Variants in DENND4C observed in about 807,000 individuals in gnomAD.
DENND4C encodes DENN domain containing 4C.
DENND4C carries 108 observed loss-of-function variants against 203.0 expected under a neutral mutation model. That is an observed-to-expected ratio of 0.53 (90% confidence interval 0.46 to 0.62). The LOEUF (loss-of-function observed/expected upper bound fraction) is 0.62, where lower values mean the gene tolerates loss of function less well. DENND4C is among the 20% of genes least tolerant of loss of function. The pLI is 0.00. For synonymous variants in DENND4C, 871 were observed against 792.4 expected (o/e 1.10, Z -1.67); for missense variants, 2,481 against 2,301.2 (o/e 1.08, Z -1.60).
intron 20 of DENND4C, 72 bp from the exon 21 acceptor site, chr9:19,340,920 T>A: frequency 7.7e-7 from 1 of 1,292,632 alleles, no homozygotes; most frequent in Non-Finnish European, 1.0e-6. Flanking sequence ...AGTGGAATTT[T>A]CTTGTGATTT....
At chr9:19,299,055 G>A (rs768964696) in intron 7 of DENND4C, among the ~76,000 whole-genome samples, 174 bp from the exon 8 acceptor site, 1 of 152,016 alleles carries the variant, frequency 6.6e-6, no homozygotes, top group Non-Finnish European at 1.5e-5. Context: ...AGTAAATACA[G>A]CTATCATTTT....
Position 19,287,041 on chromosome 9 carries a change from C to A in DENND4C, c.558+20C>A. 2.4e-6 allele frequency: 3 copies of A among 1,231,920 alleles called. No homozygotes were observed. Among genetic ancestry groups the A allele is most frequent in the Non-Finnish European group, 3.0e-6 (3 of 987,902 alleles). 76.3% of individuals were successfully genotyped at this position (1,231,920 alleles called of 1,614,324 possible). On this transcript the variant is annotated intron_variant, in intron 3 of 32. Transcript: ENST00000434457. ...GGAATGGTAAGAATAAAGTTTTCAT[C>A]TTCAAAGTTTCATATGAAACCAAAA...
At chr9:19,295,180 G>A (rs1373503258) in intron 5 of DENND4C, among the ~76,000 whole-genome samples, 1 of 151,932 alleles carries the variant, frequency 6.6e-6, no homozygotes, top group Non-Finnish European at 1.5e-5. Context: ...GACCATCCTG[G>A]CTAACACAGT....
chr9:19,346,880 C>A lies in DENND4C; in HGVS notation c.4111C>A (p.Arg1371Ser), dbSNP rs981244698. The A allele has an allele frequency of 2.5e-6, 4 of 1,614,090 alleles. No homozygotes were observed. In the African/African-American group the frequency reaches 5.3e-5, roughly 22 times the overall value. ...AACCCCCTCTCGAACTCATAAAGAACGTTCAACTTCTTTGTCAGCACTGGT... is the reference window on the plus strand; with the variant it reads ...AACCCCCTCTCGAACTCATAAAGAAAGTTCAACTTCTTTGTCAGCACTGGT... ...QQTPSRTHKE[R>S]STSLSALVRS... Residue 1371 changes from arginine (R) to serine (S), a missense_variant, in exon 23 of 33, where the codon CGT (arginine) becomes AGT (serine). Transcript: ENST00000434457.
At chr9:19,255,449 G>A (rs1026114815) in intron 1 of DENND4C, among the ~76,000 whole-genome samples, 1 of 151,672 alleles carries the variant, frequency 6.6e-6, no homozygotes, top group Non-Finnish European at 1.5e-5. Flanking sequence ...TCAAAATACT[G>A]TTATCTACAC....
Position 19,305,461 on chromosome 9 carries a change from A to G in DENND4C, c.1421A>G (p.Tyr474Cys). ...TTTATAGTTGGAGTTGACTCAAGGT[A>G]TTTTGATCTTCATGACCCACCACAA... ...LPFIVGVDSRYFDLHDPPQDV... is the reference protein window; with the variant it reads ...LPFIVGVDSRCFDLHDPPQDV... The change falls in exon 10 of 33, where the codon TAT becomes TGT. Residue 474 changes from tyrosine to cysteine, a missense_variant. By Grantham distance (194) the Tyr-to-Cys change is radical. This residue lies in a region of DENND4C where 2,289 missense variants were observed against 2,113.3 expected (regional missense o/e 1.08). Transcript: ENST00000434457. 6.2e-7 allele frequency: 1 copy of G among 1,613,894 alleles called. No individual in the cohort carries two copies. The highest frequency in any genetic ancestry group is 2.2e-5 in the East Asian group (1 of 44,848).
At chr9:19,231,262 C>T (rs1820474257) in intron 1 of DENND4C, among the ~76,000 whole-genome samples, 1 of 152,054 alleles carries the variant, frequency 6.6e-6, no homozygotes, top group Non-Finnish European at 1.5e-5. Context: ...AGAGCTAGAG[C>T]CAGGGGTGGC....
intron 16 of DENND4C, 73 bp downstream of exon 16, chr9:19,328,235 T>G (rs577568419): frequency 7.3e-7 from 1 of 1,366,280 alleles, no homozygotes; most frequent in Non-Finnish European, 9.8e-7. Context: ...AGCTCATAGT[T>G]TAGAATGATC....
intron 2 of DENND4C, among the ~76,000 whole-genome samples, chr9:19,280,099 G>A (rs982131714): frequency 5.4e-5 from 8 of 148,142 alleles, no homozygotes; most frequent in African/African-American, 1.8e-4. Context: ...TGAAGGGGCC[G>A]GCCTGCCTGC....
At chr9:19,262,595 C>T (rs1448270034) in intron 1 of DENND4C, among the ~76,000 whole-genome samples, 1 of 151,922 alleles carries the variant, frequency 6.6e-6, no homozygotes, top group Non-Finnish European at 1.5e-5. Flanking sequence ...CCACACCCAG[C>T]TAATTTTTGT....
chr9:19,324,581 TA>T (rs1688764846), intron 13 of DENND4C, 74 bp downstream of exon 13: 1 of 1,451,520 alleles, frequency 6.9e-7, no homozygotes, highest in South Asian at 1.3e-5. Flanking sequence ...TTGTTATTGT[TA>T]GTCTAGAGTG....
At chr9:19,241,174 T>A (rs917949761) in intron 1 of DENND4C, among the ~76,000 whole-genome samples, 2 of 152,148 alleles carry the variant, frequency 1.3e-5, no homozygotes, top group Admixed American at 6.6e-5. Context: ...TTATGAACAA[T>A]GTACAGTTAG....
In DENND4C at chr9:19,279,278, A is replaced by G. The variant is rs1275932630; in HGVS notation, c.305+2799A>G. On this transcript the variant is annotated intron_variant, in intron 2 of 32. Coordinates refer to ENST00000434457, the MANE Select transcript of DENND4C (RefSeq NM_001330640.2). The stretch of plus-strand genomic sequence containing the variant: ...CGGGAGGCGGAGGTTGCAGTGAACC[A>G]AGATCACACCACTGCACTCCAGCCT... 2.4e-5 allele frequency among the ~76,000 whole-genome samples: 2 copies of G among 82,100 alleles called. 1 individual carries two copies. The highest frequency in any genetic ancestry group is 5.2e-5 in the Non-Finnish European group (2 of 38,506). The allele number at this position is 82,100 out of a possible 152,430, so 53.9% of individuals were successfully genotyped here.
intron 1 of DENND4C, among the ~76,000 whole-genome samples, chr9:19,248,985 T>C (rs1165501370): frequency 1.3e-5 from 2 of 151,962 alleles, no homozygotes; most frequent in African/African-American, 4.8e-5. Flanking sequence ...GAGATGGGGT[T>C]TCACCATGTT....
chr9:19,233,610 G>T (rs561848073), intron 1 of DENND4C, among the ~76,000 whole-genome samples: 23 of 147,918 alleles, frequency 1.6e-4, no homozygotes, highest in African/African-American at 5.2e-4. Flanking sequence ...ACCCAAGCTG[G>T]AGTGCAGTGG....
At chr9:19,261,712 G>T (rs532787566) in intron 1 of DENND4C, among the ~76,000 whole-genome samples, 5 of 150,904 alleles carry the variant, frequency 3.3e-5, no homozygotes, top group Admixed American at 2.6e-4. Context: ...TTGCTATGTT[G>T]CCCAGCTTGG....
intron 22 of DENND4C, among the ~76,000 whole-genome samples, chr9:19,343,672 A>G (rs1822175258): frequency 6.6e-6 from 1 of 152,260 alleles, no homozygotes; most frequent in African/African-American, 2.4e-5. Context: ...TACATTGCAG[A>G]TTCCATTTTC....
At chr9:19,277,057 C>G (rs1297866157) in intron 2 of DENND4C, among the ~76,000 whole-genome samples, 1 of 151,836 alleles carries the variant, frequency 6.6e-6, no homozygotes, top group Non-Finnish European at 1.5e-5. Context: ...CAAATGGCTA[C>G]CTTGACTCTT....
chr9:19,347,471 T>C (rs778360299), intron 23 of DENND4C, among the ~76,000 whole-genome samples: 13 of 152,232 alleles, frequency 8.5e-5, no homozygotes, highest in Non-Finnish European at 1.5e-4. Context: ...GCATAGTCTA[T>C]CTAATATAGA....
Sources: gnomAD v4.1 joint callset for allele counts (sites outside exome capture counted in the v4.1 genomes callset) on GRCh38, gnomAD v4.1.1 for gene constraint, gnomAD v4.1.1 regional missense constraint, MANE v1.5 for transcripts, NCBI Gene and HGNC (gene_info 2026-07-23, HGNC 2026-07-21) for gene names.